The following LMX1A variants were observed in gnomAD, a reference collection of about 807,000 sequenced individuals.
The protein encoded by LMX1A is LIM homeobox transcription factor 1 alpha.
LMX1A carries 15 observed loss-of-function variants against 49.1 expected under a neutral mutation model. That is an observed-to-expected ratio of 0.31 (90% CI 0.20 to 0.47). The LOEUF is 0.47. Ranked by LOEUF, LMX1A falls within the 20% of genes least tolerant of loss-of-function variation. The pLI, the probability that LMX1A is intolerant of heterozygous loss-of-function variation, is 1.00. For missense variants in LMX1A, 372 were observed against 475.8 expected, an observed-to-expected ratio of 0.78 and a Z score of 2.03; for synonymous variants, 167 against 185.7, an observed-to-expected ratio of 0.90 and a Z score of 0.82.
intron 3 of LMX1A, among the ~76,000 whole-genome samples, chr1:165,329,947 C>T (rs756721514): frequency 2.0e-5 from 3 of 152,274 alleles, no homozygotes; most frequent in Admixed American, 6.5e-5. Flanking sequence ...CTCTGCCACT[C>T]ATTAGCAATG....
intron 3 of LMX1A, among the ~76,000 whole-genome samples, chr1:165,332,044 G>A (rs1196232131): frequency 1.3e-5 from 2 of 152,202 alleles, no homozygotes; most frequent in African/African-American, 4.8e-5. Context: ...TACATATTAT[G>A]TGCAATATTA....
In LMX1A at chr1:165,341,744, A is replaced by G. The variant is rs1228100372; in HGVS notation, c.263+11332T>C. On this transcript the variant is annotated intron_variant, in intron 3 of 8. Coordinates refer to ENST00000342310, the MANE Select transcript of LMX1A (RefSeq NM_177398.4). ...AATAATGTTATTCTTTTTTCAAAGC[A>G]TCTGCTTAATTTACATGTCTAAACA... is the stretch of plus-strand genomic sequence containing the variant. Among the ~76,000 whole-genome samples the G allele has an allele frequency of 2.0e-5, 3 of 152,100 alleles. No individual in the cohort carries two copies. The East Asian group carries it at 5.8e-4, about 29-fold the overall frequency.
chr1:165,272,586 G>C (rs1218636323), intron 3 of LMX1A, among the ~76,000 whole-genome samples: 1 of 152,136 alleles, frequency 6.6e-6, no homozygotes, highest in Non-Finnish European at 1.5e-5. Flanking sequence ...TGGCGATTTG[G>C]GAGGACCAGG....
intron 4 of LMX1A, among the ~76,000 whole-genome samples, chr1:165,220,961 T>C (rs1571156462): frequency 6.6e-6 from 1 of 152,234 alleles, no homozygotes; most frequent in African/African-American, 2.4e-5. Flanking sequence ...GTTTACCTAA[T>C]ACTTGACATG....
At chr1:165,239,478 C>T (rs894494916) in intron 4 of LMX1A, among the ~76,000 whole-genome samples, 8 of 152,108 alleles carry the variant, frequency 5.3e-5, no homozygotes, top group Non-Finnish European at 1.5e-5. Flanking sequence ...TTTATTTCTC[C>T]ATCTACTTTA....
intron 4 of LMX1A, among the ~76,000 whole-genome samples, chr1:165,240,685 T>C (rs1051760593): frequency 9.2e-5 from 14 of 152,228 alleles, no homozygotes; most frequent in Admixed American, 2.6e-4. Flanking sequence ...TACTTAGGAA[T>C]AGAGTAACTC....
intron 3 of LMX1A, among the ~76,000 whole-genome samples, chr1:165,341,666 C>A (rs1280001299): frequency 4.6e-5 from 7 of 151,378 alleles, no homozygotes; most frequent in Admixed American, 1.3e-4. Flanking sequence ...TAATACAGAA[C>A]CAAGGAATTT....
intron 4 of LMX1A, among the ~76,000 whole-genome samples, chr1:165,230,259 G>T (rs1366448631): frequency 6.6e-6 from 1 of 152,184 alleles, no homozygotes; most frequent in African/African-American, 2.4e-5. Flanking sequence ...ACAAAAACAG[G>T]AATCTTCTGA....
At chr1:165,277,931 G>A (rs2101702759) in intron 3 of LMX1A, among the ~76,000 whole-genome samples, 1 of 152,358 alleles carries the variant, frequency 6.6e-6, no homozygotes, top group African/African-American at 2.4e-5. Context: ...ATGGCTTTAA[G>A]TGTTTTTATG....
At chr1:165,329,763 C>T (rs1655692616) in intron 3 of LMX1A, among the ~76,000 whole-genome samples, 1 of 152,148 alleles carries the variant, frequency 6.6e-6, no homozygotes, top group Non-Finnish European at 1.5e-5. Flanking sequence ...ACTCACTCAA[C>T]TCTCAAAAAA....
At chr1:165,296,596 C>T (rs1036977188) in intron 3 of LMX1A, among the ~76,000 whole-genome samples, 4 of 152,236 alleles carry the variant, frequency 2.6e-5, no homozygotes, top group African/African-American at 4.8e-5. Context: ...CTCCCTCAGA[C>T]ACTCTCTTCA....
chr1:165,255,427 G>C (rs914006437), intron 3 of LMX1A, among the ~76,000 whole-genome samples: 3 of 152,204 alleles, frequency 2.0e-5, no homozygotes, highest in Non-Finnish European at 4.4e-5. Context: ...GTTTTGGTGA[G>C]AGAGCCTGGG....
chr1:165,210,520 TC>T, intron 6 of LMX1A, 178 bp downstream of exon 6: 3 of 425,982 alleles, frequency 7.0e-6, no homozygotes. Flanking sequence ...GCCTTCTCTC[TC>T]CCCTTCTGCA....
chr1:165,248,816 C>T (rs778154127), intron 4 of LMX1A, among the ~76,000 whole-genome samples: 28 of 152,126 alleles, frequency 1.8e-4, no homozygotes, highest in Non-Finnish European at 3.4e-4. Context: ...TATACCTGGG[C>T]AAGGGTTTGT....
At chr1:165,300,962 G>A (rs916334495) in intron 3 of LMX1A, among the ~76,000 whole-genome samples, 1 of 152,202 alleles carries the variant, frequency 6.6e-6, no homozygotes, top group Non-Finnish European at 1.5e-5. Context: ...AGGGCCAGGA[G>A]TTTGACAGCA....
intron 4 of LMX1A, among the ~76,000 whole-genome samples, chr1:165,245,568 A>G (rs548090955): frequency 4.6e-5 from 7 of 152,122 alleles, no homozygotes; most frequent in African/African-American, 1.7e-4. Context: ...TGGTTCGTCA[A>G]TGACCTCCTC....
intron 3 of LMX1A, among the ~76,000 whole-genome samples, chr1:165,313,423 T>C (rs1346364567): frequency 1.3e-5 from 2 of 151,226 alleles, no homozygotes; most frequent in Non-Finnish European, 2.9e-5. Context: ...AACCATTCTT[T>C]AAAATGATCA....
intron 3 of LMX1A, among the ~76,000 whole-genome samples, chr1:165,313,471 C>CTTTTTTTTTT (rs34912339): frequency 3.8e-3 from 435 of 114,446 alleles, no homozygotes; most frequent in Non-Finnish European, 5.4e-3. Flanking sequence ...CACCTTCTTC[C>CTTTTTTTTTT]TTTTTTTTTT....
Position 165,210,726 on chromosome 1 carries a change from C to T in LMX1A, c.720G>A (p.Gln240=), listed in dbSNP as rs1445109678. ...AETGLSVRVV[Q]VWFQNQRAKM... is the part of the protein sequence containing the mutation. The stretch of plus-strand genomic sequence containing the variant: ...TCGCTCTCTGGTTTTGGAACCACAC[C>T]TGGACGACACGGACACTCAGCCCTG... Residue 240 remains glutamine (Q), a synonymous_variant, in exon 6 of 9, where the codon CAG becomes CAA. Coordinates refer to ENST00000342310, the MANE Select transcript of LMX1A (RefSeq NM_177398.4). 3 of 1,614,046 alleles carry T rather than the reference C, an allele frequency of 1.9e-6. No individual in the cohort carries two copies. Among genetic ancestry groups the T allele is most frequent in the Non-Finnish European group, 2.5e-6 (3 of 1,179,946 alleles).
Sources: allele counts gnomAD v4.1 joint callset (sites outside exome capture counted in the v4.1 genomes callset), GRCh38; gene constraint gnomAD v4.1.1; transcripts MANE v1.5; gene names NCBI Gene and HGNC (gene_info 2026-07-23, HGNC 2026-07-21).